Variants in PCDHGA6 observed in about 807,000 individuals in gnomAD.
The protein encoded by PCDHGA6 is protocadherin gamma-A6.
PCDHGA6 carries 41 observed loss-of-function variants against 60.6 expected under a neutral mutation model. The ratio of observed to expected loss-of-function variants is 0.68; its 90% CI spans 0.53 to 0.88. The LOEUF is 0.88. Among genes scored for constraint, PCDHGA6 ranks in the 40% least tolerant of loss-of-function variants. The pLI is 0.00. For synonymous variants in PCDHGA6, 594 were observed against 524.4 expected, an observed-to-expected ratio of 1.13 and a Z score of -1.81; for missense variants, 1,312 against 1,203.0, an observed-to-expected ratio of 1.09 and a Z score of -1.34.
rs767430191 is a variant in PCDHGA6 at position 141,375,567 on chromosome 5, C to A, written c.1484C>A (p.Thr495Asn). ...GTCTCCTACTCACTGGCAGAAGACA[C>A]CCTCCAGGGGGCGCCCCTGTCCTCC... ...AQVSYSLAED[T>N]LQGAPLSSYV... Residue 495 changes from threonine (T) to asparagine (N), a missense_variant, in exon 1 of 4, where the codon ACC becomes AAC. By Grantham distance (65) the Thr-to-Asn change is moderately conservative. Coordinates refer to ENST00000517434, the MANE Select transcript of PCDHGA6 (RefSeq NM_018919.3). The A allele has an allele frequency of 1.2e-6, 2 of 1,614,076 alleles. No individual in the cohort carries two copies.
At position 141,374,474 on chromosome 5, in the gene PCDHGA6, C is replaced by G. The variant is rs762306215; in HGVS notation, c.391C>G (p.Pro131Ala). 1 of 1,612,258 alleles carries G rather than the reference C, an allele frequency of 6.2e-7. No individual in the cohort carries two copies. Among genetic ancestry groups the G allele is most frequent in the Middle Eastern group, 1.7e-4 (1 of 6,060 alleles). ...AATAGTGGACATTAATGACAATACA[C>G]CCCGATTCTTAAAGGAAGAATTGGA... Reference protein sequence around the residue: ...VEIVDINDNTPRFLKEELEVK... With the variant: ...VEIVDINDNTARFLKEELEVK... The change falls in exon 1 of 4, where the codon CCC becomes GCC. Residue 131 changes from proline (P) to alanine (A), a missense_variant. Pro to Ala is a conservative substitution (Grantham distance 27). Coordinates refer to ENST00000517434, the MANE Select transcript of PCDHGA6 (RefSeq NM_018919.3).
At position 141,432,651 on chromosome 5, in the gene PCDHGA6, C is replaced by A; in HGVS notation, c.2424+56144C>A. 2.5e-6 allele frequency: 4 copies of A among 1,613,824 alleles called. No individual in the cohort carries two copies. The highest frequency in any genetic ancestry group is 1.1e-5 in the South Asian group (1 of 91,058). ...ACGGGCGAGGTGCGCACGGCGCGAG[C>A]CCTGCTGGACAGAGACGCGCTCAAG... On this transcript the variant is annotated intron_variant, in intron 1 of 3. Coordinates refer to ENST00000517434, the MANE Select transcript of PCDHGA6 (RefSeq NM_018919.3). This position sits in a 1 kb window ranked among gnomAD's most constrained non-coding sequence, Gnocchi z 6.0.
chr5:141,474,486 C>G (rs531956129), intron 1 of PCDHGA6, among the ~76,000 whole-genome samples: 11 of 152,326 alleles, frequency 7.2e-5, no homozygotes, highest in African/African-American at 2.4e-4. Context: ...TAAATGTATT[C>G]TATCTTCTAA....
chr5:141,479,324 C>G (rs2099492748), intron 1 of PCDHGA6: 1 of 152,556 alleles, frequency 6.6e-6, no homozygotes, highest in Admixed American at 6.5e-5. Context: ...TAGCCAGACT[C>G]AGTGGTGTGC....
intron 1 of PCDHGA6, chr5:141,390,565 G>T: frequency 4.8e-6 from 2 of 420,818 alleles, no homozygotes. Context: ...ACAGTTGTTG[G>T]CTCTCTCCTA....
intron 1 of PCDHGA6, chr5:141,394,897 T>C (rs773335725): frequency 3.1e-6 from 5 of 1,613,682 alleles, no homozygotes; most frequent in Non-Finnish European, 4.2e-6. Flanking sequence ...TATCTCGTGG[T>C]GGCAGTGGCT....
chr5:141,411,743 G>A (rs2095510866), intron 1 of PCDHGA6: 2 of 152,860 alleles, frequency 1.3e-5, no homozygotes, highest in Non-Finnish European at 2.9e-5. Flanking sequence ...TTAGCAGGGT[G>A]TGGTGGCACA....
At chr5:141,386,122 A>G (rs980639132) in intron 1 of PCDHGA6, 1 of 152,152 alleles carries the variant, frequency 6.6e-6, no homozygotes, top group Non-Finnish European at 1.5e-5. Flanking sequence ...AAAGTGGGAG[A>G]TTGGGGATAC....
intron 1 of PCDHGA6, chr5:141,391,548 C>T (rs1045663791): frequency 6.6e-6 from 1 of 152,106 alleles, no homozygotes; most frequent in African/African-American, 2.4e-5. Flanking sequence ...ATTGTCTACC[C>T]AGTTTTCCAT....
In PCDHGA6 at chr5:141,427,541, C is replaced by G. The variant is rs541988301; in HGVS notation, c.2424+51034C>G. ...AGCGGATCCCGGAGTACAACGTCACCATCACTGCCACTGACAAGGGCAAGC... is the reference window on the plus strand; with the variant it reads ...AGCGGATCCCGGAGTACAACGTCACGATCACTGCCACTGACAAGGGCAAGC... On this transcript the variant is annotated intron_variant, in intron 1 of 3. Coordinates refer to ENST00000517434, the MANE Select transcript of PCDHGA6 (RefSeq NM_018919.3). 3.1e-5 allele frequency: 20 copies of G among 635,320 alleles called. No individual in the cohort carries two copies. The African/African-American group carries it at 3.6e-4, about 11-fold the overall frequency. The allele number at this position is 635,320 out of a possible 1,614,324, so 39.4% of individuals were successfully genotyped here.
chr5:141,494,428 G>A (rs1476469017), intron 1 of PCDHGA6, among the ~76,000 whole-genome samples: 1 of 152,148 alleles, frequency 6.6e-6, no homozygotes, highest in African/African-American at 2.4e-5. Flanking sequence ...TCATTGAAAA[G>A]CCTCCTTTGC....
chr5:141,399,672 C>T (rs1322373656), intron 1 of PCDHGA6: 1 of 1,613,510 alleles, frequency 6.2e-7, no homozygotes, highest in Admixed American at 1.7e-5. Context: ...CGCAGCGCGC[C>T]TTTGACTACG....
chr5:141,442,716 G>A (rs1367250926), intron 1 of PCDHGA6, among the ~76,000 whole-genome samples: 1 of 152,206 alleles, frequency 6.6e-6, no homozygotes, highest in East Asian at 1.9e-4. Context: ...ACATGCCAGA[G>A]CATTTGGGGC....
intron 1 of PCDHGA6, chr5:141,389,039 AG>A: frequency 6.2e-7 from 1 of 1,613,988 alleles, no homozygotes; most frequent in Non-Finnish European, 8.5e-7. Context: ...GTAAATTGGA[AG>A]GTGATGTTCC....
chr5:141,384,575 C>A (rs754018989), intron 1 of PCDHGA6: 3 of 1,614,258 alleles, frequency 1.9e-6, no homozygotes, highest in Non-Finnish European at 2.5e-6. Context: ...AATGACAACC[C>A]GCCCGAGATC....
At position 141,418,416 on chromosome 5, in the gene PCDHGA6, C is replaced by A. The variant is rs377542164; in HGVS notation, c.2424+41909C>A. On this transcript the variant is annotated intron_variant, in intron 1 of 3. Transcript: ENST00000517434. ...TTCTCATTGGTGGAGAAAGACAATC[C>A]TGATGGTGGCAAATATCCAGAATTA... The A allele has an allele frequency of 3.7e-6, 6 of 1,613,866 alleles. No individual in the cohort carries two copies. The African/African-American group carries it at 8.0e-5, about 22-fold the overall frequency.
intron 1 of PCDHGA6, chr5:141,441,925 T>C (rs926242217): frequency 2.8e-6 from 1 of 353,614 alleles, no homozygotes; most frequent in Non-Finnish European, 5.4e-6. Flanking sequence ...ACACAATGCG[T>C]GGCTGTCCTA....
intron 1 of PCDHGA6, chr5:141,399,976 CTGCGCACAGGAGAGG>C: frequency 1.2e-6 from 2 of 1,612,242 alleles, no homozygotes; most frequent in Non-Finnish European, 8.5e-7. Context: ...CAGCCTGGGG[CTGCGCACAGGAGAGG>C]TGCGCACAGC....
At position 141,418,594 on chromosome 5, in the gene PCDHGA6, C is replaced by G. The variant is rs775489120; in HGVS notation, c.2424+42087C>G. 2.9e-5 allele frequency: 47 copies of G among 1,613,904 alleles called. No individual in the cohort carries two copies. In the South Asian group the frequency reaches 4.6e-4, roughly 16 times the overall value. On this transcript the variant is annotated intron_variant, in intron 1 of 3. Transcript: ENST00000517434. ...ACAACCCCCCAGTGTTCAGCCAGGA[C>G]GTGTACAGGGTTAGCCTTCGGGAAG...
Sources: allele counts gnomAD v4.1 joint callset (sites outside exome capture counted in the v4.1 genomes callset), GRCh38; gene constraint gnomAD v4.1.1; non-coding constraint Gnocchi (gnomAD v3.1); transcripts MANE v1.5; gene names NCBI Gene and HGNC (gene_info 2026-07-23, HGNC 2026-07-21).